The following GLTP variants were observed in gnomAD, a reference collection of about 807,000 sequenced individuals.
The protein encoded by GLTP is glycolipid transfer protein.
Under a neutral mutation model 24.0 loss-of-function variants are expected in GLTP, and 22 were observed. That is an observed-to-expected ratio of 0.92 (90% confidence interval 0.65 to 1.31). The LOEUF (loss-of-function observed/expected upper bound fraction) is 1.31, where lower values mean the gene tolerates loss of function less well. Ranked by LOEUF, GLTP falls within the 50% of genes most tolerant of loss-of-function variation. The probability of loss-of-function intolerance (pLI) is 0.00; values close to 1 mark genes in which losing one functional copy is unlikely to be tolerated. For synonymous variants in GLTP, 92 were observed against 115.9 expected, an observed-to-expected ratio of 0.79 and a Z score of 1.33; for missense variants, 224 against 276.6, an observed-to-expected ratio of 0.81 and a Z score of 1.35.
In GLTP at chr12:109,857,924, C is replaced by G. The variant is rs1385009673; in HGVS notation, c.163-265G>C. The G allele has an allele frequency of 4.0e-6, 2 of 502,836 alleles. No homozygotes were observed. Among genetic ancestry groups the G allele is most frequent in the Admixed American group, 6.3e-5 (2 of 31,752 alleles). 31.1% of individuals were successfully genotyped at this position (502,836 alleles called of 1,614,324 possible). A position where few individuals can be genotyped will look rare whatever the true frequency, so the allele number is the denominator to read the frequency against. ...CATTTTACAGGCAGAGACACTGAGGCTCACAGAGGAGCACGGACTTGCCCA... is the reference window on the plus strand; with the variant it reads ...CATTTTACAGGCAGAGACACTGAGGGTCACAGAGGAGCACGGACTTGCCCA... On this transcript the variant is annotated intron_variant, in intron 2 of 4. Transcript: ENST00000318348. This position sits in a 1 kb window ranked among gnomAD's most constrained non-coding sequence, Gnocchi z 4.3.
intron 4 of GLTP, among the ~76,000 whole-genome samples, 190 bp from the exon 5 acceptor site, chr12:109,852,927 C>T (rs924457790): frequency 2.7e-5 from 4 of 150,632 alleles, no homozygotes; most frequent in Middle Eastern, 6.9e-3. Context: ...CATCAGCTTT[C>T]GGGACAGACA....
chr12:109,864,771 T>C (rs1013331957), intron 1 of GLTP, among the ~76,000 whole-genome samples: 1 of 152,112 alleles, frequency 6.6e-6, no homozygotes. Context: ...TCAGAGAAAA[T>C]AGGAAACCAG....
rs114087592 is a variant in GLTP, at chr12:109,858,849, G to C, written c.104-108C>G. Reference sequence around the variant, plus strand: ...GGGTGGATTACATGGTGTGTCCCGGGGAGAGCTGAGTTGTTCTGGATGTTA... The same window carrying C: ...GGGTGGATTACATGGTGTGTCCCGGCGAGAGCTGAGTTGTTCTGGATGTTA... On this transcript the variant is annotated intron_variant, in intron 1 of 4. Coordinates refer to ENST00000318348, the MANE Select transcript of GLTP (RefSeq NM_016433.4). 4.5e-3 allele frequency: 3,469 copies of C among 776,102 alleles called. 49 individuals are homozygous for C. Among genetic ancestry groups the C allele is most frequent in the African/African-American group, 0.031 (1,818 of 59,152 alleles). 48.1% of individuals were successfully genotyped at this position (776,102 alleles called of 1,614,324 possible). A position where few individuals can be genotyped will look rare whatever the true frequency, so the allele number is the denominator to read the frequency against.
At chr12:109,868,645 G>A (rs1479433218) in intron 1 of GLTP, among the ~76,000 whole-genome samples, 2 of 152,206 alleles carry the variant, frequency 1.3e-5, no homozygotes, top group Non-Finnish European at 2.9e-5. Flanking sequence ...TTCCAGAAAG[G>A]AAGAACAGGA....
At chr12:109,863,264 AG>A (rs1469661910) in intron 1 of GLTP, among the ~76,000 whole-genome samples, 1 of 152,088 alleles carries the variant, frequency 6.6e-6, no homozygotes, top group Non-Finnish European at 1.5e-5. Context: ...AAGTAATGTC[AG>A]GTTTTTTTTC....
In GLTP at chr12:109,851,375, A is replaced by T. The variant is rs1892719203; in HGVS notation, c.*1180T>A. On this transcript the variant is annotated 3_prime_UTR_variant, in exon 5 of 5. Coordinates refer to ENST00000318348, the MANE Select transcript of GLTP (RefSeq NM_016433.4). ...TAAAACAACAACAACAACAACAAAAAACAACCAGAAAAAAGAAAACAAACA... is the reference window on the plus strand; with the variant it reads ...TAAAACAACAACAACAACAACAAAATACAACCAGAAAAAAGAAAACAAACA... 1 of 152,210 alleles carries T rather than the reference A, an allele frequency of 6.6e-6. No individual in the cohort carries two copies. Among genetic ancestry groups the T allele is most frequent in the South Asian group, 2.1e-4 (1 of 4,830 alleles). 9.4% of individuals were successfully genotyped at this position (152,210 alleles called of 1,614,324 possible). A position where few individuals can be genotyped will look rare whatever the true frequency, so the allele number is the denominator to read the frequency against.
chr12:109,870,273 C>T (rs1475497694), intron 1 of GLTP, among the ~76,000 whole-genome samples: 1 of 152,072 alleles, frequency 6.6e-6, no homozygotes. Context: ...CAAGACCAGC[C>T]TGGCCAACAT....
intron 1 of GLTP, among the ~76,000 whole-genome samples, chr12:109,871,944 G>T (rs1868733017): frequency 6.6e-6 from 1 of 152,224 alleles, no homozygotes; most frequent in African/African-American, 2.4e-5. Context: ...CAGAGGAGGG[G>T]CAAGATGAGT....
intron 1 of GLTP, chr12:109,866,208 T>C (rs1868523258): frequency 1.3e-5 from 2 of 152,190 alleles, no homozygotes. Flanking sequence ...CCATCTACCA[T>C]TTTTTAAAAA....
At chr12:109,871,019 T>C (rs1328466244) in intron 1 of GLTP, among the ~76,000 whole-genome samples, 1 of 151,876 alleles carries the variant, frequency 6.6e-6, no homozygotes, top group Non-Finnish European at 1.5e-5. Flanking sequence ...GGAGTTAACA[T>C]TCACTCTGGC....
rs1892811612 is a variant in GLTP at position 109,857,315 on chromosome 12, T to C, written c.296+211A>G. ...TTAGCACAACTCCCAGATCAGGGTGTGCTCATATACTGATGGGACTGGAAC... is the reference window on the plus strand; with the variant it reads ...TTAGCACAACTCCCAGATCAGGGTGCGCTCATATACTGATGGGACTGGAAC... On this transcript the variant is annotated intron_variant, in intron 3 of 4. Transcript: ENST00000318348. This position sits in a 1 kb window ranked among gnomAD's most constrained non-coding sequence, Gnocchi z 4.3. Among the ~76,000 whole-genome samples, 1 of 152,162 alleles carries C rather than the reference T, an allele frequency of 6.6e-6. No individual in the cohort carries two copies. Among genetic ancestry groups the C allele is most frequent in the Non-Finnish European group, 1.5e-5 (1 of 68,026 alleles).
chr12:109,854,518 T>G (rs565004158), intron 4 of GLTP, among the ~76,000 whole-genome samples: 86 of 152,328 alleles, frequency 5.6e-4, no homozygotes, highest in Non-Finnish European at 1.0e-3. Flanking sequence ...AAGATGATAT[T>G]GAGGCTCAGG....
At chr12:109,869,629 T>G (rs1241174780) in intron 1 of GLTP, among the ~76,000 whole-genome samples, 5 of 150,174 alleles carry the variant, frequency 3.3e-5, no homozygotes, top group African/African-American at 7.4e-5. Context: ...CTAATTTTTT[T>G]TTTTTTGTTT....
In GLTP at chr12:109,852,528, CG is replaced by C; in HGVS notation, c.*26del. On this transcript the variant is annotated 3_prime_UTR_variant, in exon 5 of 5. Transcript: ENST00000318348. ...CCTGTTTCTCCATGTGGCCACGAGT[CG>C]GGGACGTGTCCAGCAGTGGGCATGC... 2 of 1,499,626 alleles carry C rather than the reference CG, an allele frequency of 1.3e-6. No individual in the cohort carries two copies. Among genetic ancestry groups the C allele is most frequent in the Non-Finnish European group, 1.8e-6 (2 of 1,084,416 alleles). The allele number at this position is 1,499,626 out of a possible 1,614,324, so 92.9% of individuals were successfully genotyped here.
chr12:109,862,143 G>A (rs916751771), intron 1 of GLTP, among the ~76,000 whole-genome samples: 6 of 152,146 alleles, frequency 3.9e-5, no homozygotes, highest in Non-Finnish European at 7.4e-5. Context: ...GGGTGGTCAC[G>A]TCAGAGGCTG....
chr12:109,861,619 G>A (rs1197384703), intron 1 of GLTP, among the ~76,000 whole-genome samples: 2 of 152,044 alleles, frequency 1.3e-5, no homozygotes, highest in African/African-American at 2.4e-5. Context: ...GTGGTAGCAG[G>A]TGCCTGTAGT....
chr12:109,851,120 A>G lies in GLTP; in HGVS notation c.*1435T>C, dbSNP rs1211644071. ...TTTTTAGCGCCAGGAAGAACAGTTA[A>G]GGTTAAGGCAGTGAGGCGTTTTCTT... is the stretch of plus-strand genomic sequence containing the variant. On this transcript the variant is annotated 3_prime_UTR_variant, in exon 5 of 5. Coordinates refer to ENST00000318348, the MANE Select transcript of GLTP (RefSeq NM_016433.4). 1 of 152,612 alleles carries G rather than the reference A, an allele frequency of 6.6e-6. No individual in the cohort carries two copies. The highest frequency in any genetic ancestry group is 6.6e-5 in the Admixed American group (1 of 15,256). 9.5% of individuals were successfully genotyped at this position (152,612 alleles called of 1,614,324 possible).
chr12:109,873,231 G>A (rs1214330268), intron 1 of GLTP, among the ~76,000 whole-genome samples: 2 of 152,026 alleles, frequency 1.3e-5, no homozygotes, highest in Non-Finnish European at 2.9e-5. Context: ...GTGGTAGGTG[G>A]TCCCAAATCT....
chr12:109,858,474 C>A (rs950361642), intron 2 of GLTP, among the ~76,000 whole-genome samples: 3 of 152,202 alleles, frequency 2.0e-5, no homozygotes, highest in Non-Finnish European at 4.4e-5. Context: ...TGGTTCCAGT[C>A]AGGCTAGACT....
Sources: gnomAD v4.1 joint callset for allele counts (sites outside exome capture counted in the v4.1 genomes callset) on GRCh38, gnomAD v4.1.1 for gene constraint, Gnocchi (gnomAD v3.1) non-coding constraint, MANE v1.5 for transcripts, NCBI Gene and HGNC (gene_info 2026-07-23, HGNC 2026-07-21) for gene names.